TRAM2: variants seen among roughly 807,000 people sequenced by gnomAD.
TRAM2 encodes the protein translocation associated membrane protein 2.
TRAM2 carries 12 observed loss-of-function variants against 51.0 expected under a neutral mutation model. The observed-to-expected ratio is 0.24, with a 90% CI of 0.15 to 0.38. TRAM2 has a LOEUF of 0.38. Ranked by LOEUF, TRAM2 falls within the 10% of genes least tolerant of loss-of-function variation. The probability of loss-of-function intolerance (pLI) is 1.00; values close to 1 mark genes in which losing one functional copy is unlikely to be tolerated. For missense variants in TRAM2, 361 were observed against 462.0 expected, an observed-to-expected ratio of 0.78 and a Z score of 2.00; for synonymous variants, 175 against 179.4, an observed-to-expected ratio of 0.98 and a Z score of 0.20.
At chr6:52,556,782 G>T (rs914374152) in intron 1 of TRAM2, among the ~76,000 whole-genome samples, 12 of 151,906 alleles carry the variant, frequency 7.9e-5, no homozygotes, top group Admixed American at 7.2e-4. Context: ...ACAAAAATTA[G>T]CTGGGTGTGA....
chr6:52,549,524 T>C (rs867340913), intron 1 of TRAM2, among the ~76,000 whole-genome samples: 1 of 152,296 alleles, frequency 6.6e-6, no homozygotes, highest in Middle Eastern at 3.4e-3. Flanking sequence ...ACAATTAAAT[T>C]TCATCAGTTA....
At chr6:52,506,185 G>A (rs2114060741) in intron 7 of TRAM2, 49 bp from the exon 8 acceptor site, 2 of 1,553,370 alleles carry the variant, frequency 1.3e-6, no homozygotes, top group African/African-American at 1.4e-5. Context: ...ATGCTGCGTG[G>A]AGCAGAAGCC....
At chr6:52,547,535 A>C (rs1321718609) in intron 1 of TRAM2, among the ~76,000 whole-genome samples, 3 of 152,164 alleles carry the variant, frequency 2.0e-5, no homozygotes, top group Non-Finnish European at 2.9e-5. Flanking sequence ...CAAAATGAAC[A>C]TCCTTCCTCC....
intron 3 of TRAM2, 100 bp downstream of exon 3, chr6:52,516,528 G>A: frequency 2.0e-6 from 2 of 975,726 alleles, no homozygotes. Context: ...GCAAGTTGGA[G>A]GATGAATGGG....
At chr6:52,525,484 G>C (rs1183466597) in intron 2 of TRAM2, among the ~76,000 whole-genome samples, 2 of 151,972 alleles carry the variant, frequency 1.3e-5, no homozygotes, top group Admixed American at 6.6e-5. Context: ...CACACACACA[G>C]AGGCTGTTAT....
rs1402057155 is a variant in TRAM2 at position 52,508,270 on chromosome 6, G to A, written c.519C>T (p.His173=). 8 of 1,614,042 alleles carry A rather than the reference G, an allele frequency of 5.0e-6. No individual in the cohort carries two copies. Among genetic ancestry groups the A allele is most frequent in the African/African-American group, 2.7e-5 (2 of 75,066 alleles). ...FYLCQLAYWL[H]ALPELYFQKV... ...TCTGGAAGTATAGCTCAGGAAGTGC[G>A]TGCAGCCAGTAGGCCAGCTGGCATA... The change falls in exon 6 of 11, where the codon CAC becomes CAT. Residue 173 remains histidine (H), a synonymous_variant. Coordinates refer to ENST00000182527, the MANE Select transcript of TRAM2 (RefSeq NM_012288.4).
intron 2 of TRAM2, chr6:52,524,209 A>C (rs988981192): frequency 9.9e-5 from 15 of 152,142 alleles, no homozygotes; most frequent in African/African-American, 3.6e-4. Context: ...TAAACCTCAA[A>C]ACACATTTTT....
At chr6:52,511,701 A>G (rs1766454473) in intron 4 of TRAM2, among the ~76,000 whole-genome samples, 1 of 152,226 alleles carries the variant, frequency 6.6e-6, no homozygotes, top group Non-Finnish European at 1.5e-5. Context: ...GTGACCTATC[A>G]GCATGCCTTT....
intron 1 of TRAM2, among the ~76,000 whole-genome samples, chr6:52,542,247 G>T (rs1275126972): frequency 6.7e-6 from 1 of 148,966 alleles, no homozygotes; most frequent in East Asian, 2.0e-4. Context: ...CAATTGGTGG[G>T]GAAGAGATTT....
At chr6:52,521,197 A>G (rs1162835367) in intron 2 of TRAM2, among the ~76,000 whole-genome samples, 1 of 150,938 alleles carries the variant, frequency 6.6e-6, no homozygotes, top group Non-Finnish European at 1.5e-5. Context: ...GGTGTGAGCC[A>G]CTGCACCCAG....
At chr6:52,512,978 T>C (rs1357303141) in intron 4 of TRAM2, among the ~76,000 whole-genome samples, 1 of 152,170 alleles carries the variant, frequency 6.6e-6, no homozygotes, top group Non-Finnish European at 1.5e-5. Context: ...AAGCCAAATA[T>C]AGCAAGGAAG....
chr6:52,558,480 C>T (rs1251539136), intron 1 of TRAM2, among the ~76,000 whole-genome samples: 1 of 152,186 alleles, frequency 6.6e-6, no homozygotes, highest in South Asian at 2.1e-4. Flanking sequence ...AGATTGGTTG[C>T]ACAATGTGGA....
At chr6:52,528,410 A>G (rs1766822866) in intron 2 of TRAM2, among the ~76,000 whole-genome samples, 1 of 151,946 alleles carries the variant, frequency 6.6e-6, no homozygotes, top group South Asian at 2.1e-4. Flanking sequence ...CTCATCTTAC[A>G]AAGAGGGGCT....
chr6:52,575,558 A>G (rs964318232), intron 1 of TRAM2, among the ~76,000 whole-genome samples: 1 of 152,164 alleles, frequency 6.6e-6, no homozygotes, highest in African/African-American at 2.4e-5. Flanking sequence ...GGCCACCACA[A>G]GAACGTTCCC....
At chr6:52,546,766 GC>G (rs919608476) in intron 1 of TRAM2, among the ~76,000 whole-genome samples, 1 of 152,064 alleles carries the variant, frequency 6.6e-6, no homozygotes, top group Non-Finnish European at 1.5e-5. Context: ...CCCAGAAGGA[GC>G]CCAGCAGCCC....
At chr6:52,504,973 G>C (rs1316531075) in intron 9 of TRAM2, among the ~76,000 whole-genome samples, 1 of 152,248 alleles carries the variant, frequency 6.6e-6, no homozygotes, top group African/African-American at 2.4e-5. Context: ...CAGGGAGACG[G>C]GAAGGAAGTG....
chr6:52,515,442 G>C (rs1276557600), intron 4 of TRAM2, among the ~76,000 whole-genome samples: 1 of 151,672 alleles, frequency 6.6e-6, no homozygotes, highest in Non-Finnish European at 1.5e-5. Context: ...TTGTTGAAAC[G>C]GCATTGACTC....
At chr6:52,508,368 T>G (rs761944933) in intron 5 of TRAM2, 50 bp from the exon 6 acceptor site, 1 of 1,567,862 alleles carries the variant, frequency 6.4e-7, no homozygotes, top group East Asian at 2.2e-5. Context: ...AAAGTGTCCC[T>G]GCAGGTGCTG....
chr6:52,504,871 G>T, intron 9 of TRAM2, 117 bp from the exon 10 acceptor site: 2 of 881,986 alleles, frequency 2.3e-6, no homozygotes, highest in South Asian at 1.7e-5. Context: ...TATCACGTCC[G>T]CCTTCACCAC....
Sources: gnomAD v4.1 joint callset for allele counts (sites outside exome capture counted in the v4.1 genomes callset) on GRCh38, gnomAD v4.1.1 for gene constraint, MANE v1.5 for transcripts, NCBI Gene and HGNC (gene_info 2026-07-23, HGNC 2026-07-21) for gene names.